The following SPEG variants were observed in gnomAD, a reference collection of about 807,000 sequenced individuals.
SPEG encodes striated muscle enriched protein kinase.
SPEG carries 114 observed loss-of-function variants against 300.4 expected under a neutral mutation model. That is an observed-to-expected ratio of 0.38 (90% CI 0.33 to 0.44). The LOEUF is 0.44. Among genes scored for constraint, SPEG ranks in the 20% least tolerant of loss-of-function variants. The pLI, the probability that SPEG is intolerant of heterozygous loss-of-function variation, is 1.00. For missense variants in SPEG, 4,201 were observed against 4,586.2 expected (o/e 0.92, Z 2.43); for synonymous variants, 1,964 against 2,018.9 (o/e 0.97, Z 0.73).
At position 219,480,595 on chromosome 2, in the gene SPEG, C is replaced by G; in HGVS notation, c.5343-76C>G. 1 of 1,468,112 alleles carries G rather than the reference C, an allele frequency of 6.8e-7. No homozygotes were observed. The highest frequency in any genetic ancestry group is 9.5e-7 in the Non-Finnish European group (1 of 1,047,208). 90.9% of individuals were successfully genotyped at this position (1,468,112 alleles called of 1,614,324 possible). Reference sequence around the variant, plus strand: ...CAGGGAGGTAACAGCTCACTCAGGTCAGCAGTAGCAAAGAACTGCTCCCTT... The same window carrying G: ...CAGGGAGGTAACAGCTCACTCAGGTGAGCAGTAGCAAAGAACTGCTCCCTT... On this transcript the variant is annotated intron_variant, in intron 25 of 40. Transcript: ENST00000312358. The surrounding 1 kb of genome is among the most constrained non-coding windows in gnomAD (Gnocchi z 5.3).
chr2:219,474,933 C>G (rs1186856048), intron 18 of SPEG, among the ~76,000 whole-genome samples: 1 of 151,678 alleles, frequency 6.6e-6, no homozygotes, highest in Non-Finnish European at 1.5e-5. Flanking sequence ...CAGGCTTGCA[C>G]AACCACGCCC....
rs748564644 is a variant in SPEG at position 219,484,000 on chromosome 2, A to G, written c.6537A>G (p.Ala2179=). Residue 2179 remains alanine (A), a synonymous_variant, in exon 30 of 41, where the codon GCA becomes GCG. Transcript: ENST00000312358. ...GCGAGGCCCAGCCATCCAGCCCTGC[A>G]CGGCCCAGCGCCCCCAAACCCAGTA... ...ALSEAQPSSP[A]RPSAPKPSTP... is the part of the protein sequence containing the mutation. The G allele has an allele frequency of 1.9e-6, 3 of 1,612,392 alleles. No individual in the cohort carries two copies. Among genetic ancestry groups the G allele is most frequent in the South Asian group, 1.1e-5 (1 of 91,084 alleles).
chr2:219,469,440 C>T (rs1247225485), intron 13 of SPEG, 61 bp downstream of exon 13: 3 of 1,324,286 alleles, frequency 2.3e-6, no homozygotes, highest in Non-Finnish European at 2.1e-6. Context: ...CTTGCAATGC[C>T]CTGCCCCTCT....
intron 6 of SPEG, among the ~76,000 whole-genome samples, chr2:219,455,291 A>G (rs1690087968): frequency 6.6e-6 from 1 of 152,132 alleles, no homozygotes; most frequent in Admixed American, 6.5e-5. Context: ...CTCTGGACAC[A>G]GTGGCTGACA....
rs554914793 is a variant in SPEG, at chr2:219,465,947, G to A, written c.2882-1227G>A. ...TGCGCGCGTGTGCGTGCACGTGTGC[G>A]TGCATGTGTGCGTGTGCATGCGTGT... On this transcript the variant is annotated intron_variant, in intron 9 of 40. Transcript: ENST00000312358. 296 of 898,034 alleles carry A rather than the reference G, an allele frequency of 3.3e-4. 1 individual carries two copies. Among genetic ancestry groups the A allele is most frequent in the Non-Finnish European group, 4.8e-4 (277 of 571,328 alleles). 55.6% of individuals were successfully genotyped at this position (898,034 alleles called of 1,614,324 possible). A position where few individuals can be genotyped will look rare whatever the true frequency, so the allele number is the denominator to read the frequency against.
At chr2:219,470,490 T>C (rs1054717182) in intron 13 of SPEG, among the ~76,000 whole-genome samples, 1 of 152,210 alleles carries the variant, frequency 6.6e-6, no homozygotes, top group African/African-American at 2.4e-5. Context: ...TGTCTCAGGA[T>C]CTAAGCTGGC....
At chr2:219,436,629 G>A (rs946597442) in intron 1 of SPEG, among the ~76,000 whole-genome samples, 3 of 152,188 alleles carry the variant, frequency 2.0e-5, no homozygotes, top group Non-Finnish European at 2.9e-5. Flanking sequence ...GAGGGAGCCG[G>A]GCTGGCCTCC....
In SPEG at chr2:219,451,753, G is replaced by T. The variant is rs775824354; in HGVS notation, c.2386G>T (p.Ala796Ser). The change falls in exon 6 of 41, where the codon GCC (alanine) becomes TCC (serine). Residue 796 changes from alanine (A) to serine (S), a missense_variant. Physicochemically the swap from Ala to Ser is moderately conservative, Grantham distance 99. This residue lies in a region of SPEG where 1,258 missense variants were observed against 1,293.9 expected (regional missense o/e 0.97). Transcript: ENST00000312358. This position sits in a 1 kb window ranked among gnomAD's most constrained non-coding sequence, Gnocchi z 6.4. Reference protein sequence around the residue: ...AADAGSYMATATNELGQATCA... With the variant: ...AADAGSYMATSTNELGQATCA... ...AGATGCCGGGAGCTATATGGCCACC[G>T]CCACCAACGAGCTGGGCCAGGCCAC... 8 of 1,557,402 alleles carry T rather than the reference G, an allele frequency of 5.1e-6. No homozygotes were observed. Among genetic ancestry groups the T allele is most frequent in the Non-Finnish European group, 6.9e-6 (8 of 1,151,192 alleles).
In SPEG at chr2:219,469,375, A is replaced by T; in HGVS notation, c.3711A>T (p.Thr1237=). Residue 1237 remains threonine (T), a synonymous_variant, in exon 13 of 41, where the codon ACA becomes ACT. Coordinates refer to ENST00000312358, the MANE Select transcript of SPEG (RefSeq NM_005876.5). ...RIQSSDDRRM[T]QYRDVHRLVF... ...AGAGCAGCGACGACCGGCGCATGAC[A>T]CAGTGTACGTGTCTGGGAAGTTCCC... is the stretch of plus-strand genomic sequence containing the variant. 6.2e-7 allele frequency: 1 copy of T among 1,612,872 alleles called. No individual in the cohort carries two copies.
In SPEG at chr2:219,480,413, G is replaced by A. The variant is rs1382225014; in HGVS notation, c.5343-258G>A. On this transcript the variant is annotated intron_variant, in intron 25 of 40. Coordinates refer to ENST00000312358, the MANE Select transcript of SPEG (RefSeq NM_005876.5). The surrounding 1 kb of genome is among the most constrained non-coding windows in gnomAD (Gnocchi z 5.3). ...CTCAGCATTCAGCCTGCCTCCTCCA[G>A]TAAGGCAGGCATGGTCCCATTGGTT... Among the ~76,000 whole-genome samples, 2 of 152,138 alleles carry A rather than the reference G, an allele frequency of 1.3e-5. No individual in the cohort carries two copies. Among genetic ancestry groups the A allele is most frequent in the African/African-American group, 4.8e-5 (2 of 41,424 alleles).
chr2:219,492,759 G>A lies in SPEG; in HGVS notation c.9777G>A (p.Leu3259=). 2 of 1,600,338 alleles carry A rather than the reference G, an allele frequency of 1.2e-6. No homozygotes were observed. The highest frequency in any genetic ancestry group is 3.4e-5 in the Admixed American group (2 of 59,604). ...RAEAATRHKV[L]LRSYPGGP is the part of the protein sequence containing the mutation. The stretch of plus-strand genomic sequence containing the variant: ...AGGCTGCCACCCGCCACAAGGTGCT[G>A]CTGCGCTCCTACCCTGGCGGCCCCT... Residue 3259 remains leucine (L), a synonymous_variant, in exon 41 of 41, where the codon CTG becomes CTA. Transcript: ENST00000312358.
Position 219,483,811 on chromosome 2 carries a change from C to G in SPEG, c.6348C>G (p.His2116Gln). 6.3e-7 allele frequency: 1 copy of G among 1,576,626 alleles called. No individual in the cohort carries two copies. The highest frequency in any genetic ancestry group is 8.6e-7 in the Non-Finnish European group (1 of 1,168,294). Residue 2116 changes from histidine to glutamine, a missense_variant, in exon 30 of 41, where the codon CAC becomes CAG. Transcript: ENST00000312358. ...RAASSEAAPH[H>Q]QPPLENRGLQ... ...CCTCCAGCGAGGCAGCGCCCCACCA[C>G]CAGCCCCCACTCGAGAACCGGGGCC...
Position 219,439,263 on chromosome 2 carries a change from C to T in SPEG, c.388+3898C>T, listed in dbSNP as rs1379429168. 6.6e-6 allele frequency among the ~76,000 whole-genome samples: 1 copy of T among 152,128 alleles called. No homozygotes were observed. Among genetic ancestry groups the T allele is most frequent in the African/African-American group, 2.4e-5 (1 of 41,424 alleles). ...CTTACCCTCTCCACCTGCAGCTCTG[C>T]CACCCCCTCCCATATTTATTGAGTG... is the stretch of plus-strand genomic sequence containing the variant. On this transcript the variant is annotated intron_variant, in intron 1 of 40. Transcript: ENST00000312358. This position sits in a 1 kb window ranked among gnomAD's most constrained non-coding sequence, Gnocchi z 4.5.
Position 219,460,388 on chromosome 2 carries a change from G to A in SPEG, c.2441-1494G>A, listed in dbSNP as rs74765700. 4.4e-5 allele frequency: 43 copies of A among 985,406 alleles called. No individual in the cohort carries two copies. In the African/African-American group the frequency reaches 4.7e-4, roughly 11 times the overall value. 61.0% of individuals were successfully genotyped at this position (985,406 alleles called of 1,614,324 possible). ...CCCGGTCAGGGATCTTGGTGGTTCC[G>A]TCAGAGCAAGGGGCAACACAGGGAA... On this transcript the variant is annotated intron_variant, in intron 6 of 40. Coordinates refer to ENST00000312358, the MANE Select transcript of SPEG (RefSeq NM_005876.5).
intron 14 of SPEG, 76 bp from the exon 15 acceptor site, chr2:219,472,151 C>T (rs1021095698): frequency 1.9e-5 from 30 of 1,554,984 alleles, no homozygotes; most frequent in Non-Finnish European, 2.5e-5. Context: ...GCCCTAGCCT[C>T]CTGCCCTGAG....
At position 219,480,125 on chromosome 2, in the gene SPEG, G is replaced by C; in HGVS notation, c.5327G>C (p.Gly1776Ala). 1 of 1,613,816 alleles carries C rather than the reference G, an allele frequency of 6.2e-7. No homozygotes were observed. The highest frequency in any genetic ancestry group is 1.7e-5 in the Admixed American group (1 of 60,030). The change falls in exon 25 of 41, where the codon GGA becomes GCA. Residue 1776 changes from glycine (G) to alanine (A), a missense_variant. Around this residue, in one of 4 missense-constraint regions of SPEG, gnomAD observed 1,047 missense variants for 1,356.8 expected, o/e 0.77. Transcript: ENST00000312358. The surrounding 1 kb of genome is among the most constrained non-coding windows in gnomAD (Gnocchi z 5.3). ...ATTGTCAATCAGAGCCCCGTGTCTG[G>C]AGTCACTGACATCTGGTAAGGCTGG... The part of the protein sequence containing the change: ...PEIVNQSPVS[G>A]VTDIWPVGVV...
chr2:219,446,306 G>A (rs1186377393), intron 3 of SPEG, among the ~76,000 whole-genome samples: 1 of 152,162 alleles, frequency 6.6e-6, no homozygotes, highest in Non-Finnish European at 1.5e-5. Flanking sequence ...CAACTTCGGA[G>A]GAACCCATTT....
chr2:219,456,895 C>T lies in SPEG; in HGVS notation c.2441-4987C>T, dbSNP rs537596846. 1.1e-3 allele frequency among the ~76,000 whole-genome samples: 44 copies of T among 40,212 alleles called. 1 individual carries two copies. Among genetic ancestry groups the T allele is most frequent in the African/African-American group, 2.1e-3 (41 of 19,940 alleles). 26.4% of individuals were successfully genotyped at this position (40,212 alleles called of 152,430 possible). On this transcript the variant is annotated intron_variant, in intron 6 of 40. Transcript: ENST00000312358. ...TTGCACTCCGGCCTGGGCGACAGTG[C>T]GAGACTCTGTCTCAAAAAAAAAAAA...
At chr2:219,454,717 G>A (rs1690039385) in intron 6 of SPEG, among the ~76,000 whole-genome samples, 1 of 152,200 alleles carries the variant, frequency 6.6e-6, no homozygotes, top group Admixed American at 6.5e-5. Context: ...TCTGCCTAGG[G>A]ATGTTTTCAG....
Sources: gnomAD v4.1 joint callset for allele counts (sites outside exome capture counted in the v4.1 genomes callset) on GRCh38, gnomAD v4.1.1 for gene constraint, gnomAD v4.1.1 regional missense constraint, Gnocchi (gnomAD v3.1) non-coding constraint, MANE v1.5 for transcripts, NCBI Gene and HGNC (gene_info 2026-07-23, HGNC 2026-07-21) for gene names.